The following FN1 variants were observed in gnomAD, a reference collection of about 807,000 sequenced individuals.
The protein encoded by FN1 is fibronectin 1.
A neutral mutation model predicts 297.3 loss-of-function variants in FN1; 106 were observed. The observed-to-expected ratio is 0.36, with a 90% CI of 0.30 to 0.42. The LOEUF (loss-of-function observed/expected upper bound fraction) is 0.42. Among genes scored for constraint, FN1 ranks in the 10% least tolerant of loss-of-function variants. The pLI, the probability that FN1 is intolerant of heterozygous loss-of-function variation, is 1.00. For synonymous variants in FN1, 1,149 were observed against 1,152.6 expected (o/e 1.00, Z 0.06); for missense variants, 2,690 against 3,124.9 (o/e 0.86, Z 3.32).
At chr2:215,401,022 C>T (rs1045323972) in intron 20 of FN1, among the ~76,000 whole-genome samples, 3 of 150,172 alleles carry the variant, frequency 2.0e-5, no homozygotes, top group African/African-American at 7.4e-5. Context: ...TCTCGAACTC[C>T]TGACCTTAGG....
In FN1 at chr2:215,422,260, A is replaced by G. The variant is rs370115252; in HGVS notation, c.1394-17T>C. On this transcript the variant is annotated splice_polypyrimidine_tract_variant and intron_variant, in intron 9 of 45. Coordinates refer to ENST00000354785, the MANE Select transcript of FN1 (RefSeq NM_212482.4). The stretch of plus-strand genomic sequence containing the variant: ...CCTCGTGGGCTGTTTGGAAATGGAT[A>G]AGAAATGCACTTGATAAATGATCAC... 4 of 1,612,754 alleles carry G rather than the reference A, an allele frequency of 2.5e-6. No individual in the cohort carries two copies. The highest frequency in any genetic ancestry group is 3.4e-6 in the Non-Finnish European group (4 of 1,178,868).
At chr2:215,377,040 TTG>T (rs56966736) in intron 35 of FN1, among the ~76,000 whole-genome samples, 141,116 of 150,878 alleles carry the variant, frequency 0.94, 66,081 homozygotes, top group East Asian at 0.99. Flanking sequence ...GCTAACAATT[TTG>T]TGTGTGTGTG....
intron 28 of FN1, among the ~76,000 whole-genome samples, 182 bp downstream of exon 28, chr2:215,386,507 C>CT (rs1348556597): frequency 6.6e-6 from 1 of 150,470 alleles, no homozygotes. Flanking sequence ...TTACCATATT[C>CT]TAAGGAAGAT....
In FN1 at chr2:215,385,683, G is replaced by A. The variant is rs564233772; in HGVS notation, c.4613-707C>T. Among the ~76,000 whole-genome samples, 104 of 151,556 alleles carry A rather than the reference G, an allele frequency of 6.9e-4. 1 individual carries two copies. Among genetic ancestry groups the A allele is most frequent in the Non-Finnish European group, 1.1e-3 (78 of 67,950 alleles). On this transcript the variant is annotated intron_variant, in intron 28 of 45. Coordinates refer to ENST00000354785, the MANE Select transcript of FN1 (RefSeq NM_212482.4). Reference sequence around the variant, plus strand: ...CAGATAACATGATGCTACTGTTCCCGTAAGTACTTCAGCCTCTATCTGCTA... The same window carrying A: ...CAGATAACATGATGCTACTGTTCCCATAAGTACTTCAGCCTCTATCTGCTA...
intron 12 of FN1, 111 bp downstream of exon 12, chr2:215,419,131 G>A: frequency 1.2e-6 from 1 of 837,176 alleles, no homozygotes; most frequent in Non-Finnish European, 2.0e-6. Context: ...CAAGAGAAAA[G>A]GGTGGGAAAG....
chr2:215,384,086 A>G lies in FN1; in HGVS notation c.4828T>C (p.Tyr1610His), dbSNP rs778077184. 3.1e-6 allele frequency: 5 copies of G among 1,614,158 alleles called. No individual in the cohort carries two copies. In the Admixed American group the frequency reaches 8.3e-5, roughly 27 times the overall value. The change falls in exon 30 of 46, where the codon TAT (tyrosine) becomes CAT (histidine). Residue 1610 changes from tyrosine to histidine, a missense_variant. Transcript: ENST00000354785. ...CTGTCTCCACGGCCAGTGACAGCATACACAGTGATGGTATAATCAACTCCA... is the reference window on the plus strand; with the variant it reads ...CTGTCTCCACGGCCAGTGACAGCATGCACAGTGATGGTATAATCAACTCCA... ...KPGVDYTITV[Y>H]AVTGRGDSPA...
intron 2 of FN1, 90 bp from the exon 3 acceptor site, chr2:215,433,551 T>C (rs563883953): frequency 1.5e-4 from 190 of 1,284,836 alleles, no homozygotes; most frequent in Non-Finnish European, 2.0e-4. Context: ...CCCACTTCTC[T>C]ATTCCACAAG....
At chr2:215,428,042 A>T (rs2065807809) in intron 6 of FN1, 138 bp downstream of exon 6, 1 of 1,064,338 alleles carries the variant, frequency 9.4e-7, no homozygotes, top group African/African-American at 1.6e-5. Context: ...AACAACCAAT[A>T]ATGTGTAAAT....
intron 20 of FN1, among the ~76,000 whole-genome samples, 178 bp from the exon 21 acceptor site, chr2:215,399,529 G>T (rs189988698): frequency 6.6e-6 from 1 of 152,216 alleles, no homozygotes; most frequent in East Asian, 1.9e-4. Context: ...AATCTTTAAT[G>T]TGCCACACAC....
rs775341126 is a variant in FN1 at position 215,364,916 on chromosome 2, C to T, written c.7214G>A (p.Gly2405Asp). The part of the protein sequence containing the change: ...VGEQWQKEYL[G>D]AICSCTCFGG... ...AAAGCATGTGCAGGAGCAAATGGCA[C>T]CGAGATATTCCTTCTGCCACTGTTC... The change falls in exon 44 of 46, where the codon GGT (glycine) becomes GAT (aspartate). Residue 2405 changes from glycine (G) to aspartate (D), a missense_variant. Gly to Asp is a moderately conservative substitution (Grantham distance 94). Around this residue, in one of 3 missense-constraint regions of FN1, gnomAD observed 1,743 missense variants for 1,945.2 expected, o/e 0.90. Transcript: ENST00000354785. 6.4e-7 allele frequency: 1 copy of T among 1,572,186 alleles called. No individual in the cohort carries two copies.
At chr2:215,415,848 T>A (rs2063363623) in intron 12 of FN1, among the ~76,000 whole-genome samples, 1 of 152,102 alleles carries the variant, frequency 6.6e-6, no homozygotes, top group African/African-American at 2.4e-5. Flanking sequence ...CTAGAAAATT[T>A]ATGCTTGCAG....
In FN1 at chr2:215,383,373, G is replaced by A; in HGVS notation, c.5005C>T (p.Pro1669Ser). ...TTTGTTGGTCCTGGTCCATTTTTGG[G>A]AGTGGTGGTTACTCTGTAACCAGTA... ...PVTGYRVTTT[P>S]KNGPGPTKTK... Residue 1669 changes from proline to serine, a missense_variant, in exon 31 of 46, where the codon CCC (proline) becomes TCC (serine). Physicochemically the swap from Pro to Ser is moderately conservative, Grantham distance 74 (BLOSUM62 -1). Around this residue, in one of 3 missense-constraint regions of FN1, gnomAD observed 1,743 missense variants for 1,945.2 expected, o/e 0.90. Transcript: ENST00000354785. The A allele has an allele frequency of 6.2e-7, 1 of 1,614,086 alleles. No individual in the cohort carries two copies. The highest frequency in any genetic ancestry group is 1.1e-5 in the South Asian group (1 of 91,078).
rs764712184 is a variant in FN1 at position 215,406,403 on chromosome 2, C to T, written c.2821G>A (p.Val941Met). ...ESAVTGYRVD[V>M]IPVNLPGEHG... ...TCGCCAGGCAGGTTGACGGGGATCA[C>T]ATCCACACGGTAGCCGGTCACTGCA... The change falls in exon 19 of 46, where the codon GTG (valine) becomes ATG (methionine). Residue 941 changes from valine to methionine, a missense_variant. Around this residue, in one of 3 missense-constraint regions of FN1, gnomAD observed 1,743 missense variants for 1,945.2 expected, o/e 0.90. Transcript: ENST00000354785. 1.1e-5 allele frequency: 17 copies of T among 1,614,110 alleles called. No homozygotes were observed. The East Asian group carries it at 2.0e-4, about 19-fold the overall frequency.
At chr2:215,409,898 C>T (rs1186475125) in intron 14 of FN1, 36 bp downstream of exon 14, 22 of 1,612,404 alleles carry the variant, frequency 1.4e-5, no homozygotes, top group Non-Finnish European at 1.6e-5. Context: ...CTAGGAACCT[C>T]GGGGGTAGGA....
intron 24 of FN1, chr2:215,393,425 G>T: frequency 1.7e-5 from 3 of 181,312 alleles, no homozygotes; most frequent in Non-Finnish European, 1.9e-5. Flanking sequence ...ATTCTTTTAG[G>T]GAATATATAT....
intron 42 of FN1, among the ~76,000 whole-genome samples, chr2:215,366,827 A>AC (rs1338373352): frequency 5.9e-5 from 9 of 152,296 alleles, no homozygotes; most frequent in South Asian, 4.1e-4. Context: ...ATACAAACTT[A>AC]AACGTAGTTC....
chr2:215,423,321 C>T (rs1216563488), intron 9 of FN1, 29 bp downstream of exon 9: 3 of 1,611,566 alleles, frequency 1.9e-6, no homozygotes, highest in Non-Finnish European at 2.5e-6. Flanking sequence ...TGTTGTCAAA[C>T]AAGACAACCC....
rs1048476890 is a variant in FN1, at chr2:215,420,975, A to G, written c.1547-174T>C. ...TTTTTTTCAAAGTTTGGTCAGTAAT[A>G]CAATTTTTGCCAAAAAAATTTTTTT... is the stretch of plus-strand genomic sequence containing the variant. On this transcript the variant is annotated intron_variant, in intron 10 of 45. Coordinates refer to ENST00000354785, the MANE Select transcript of FN1 (RefSeq NM_212482.4). The G allele has an allele frequency of 1.1e-5, 8 of 702,744 alleles. No homozygotes were observed. The African/African-American group carries it at 1.4e-4, about 13-fold the overall frequency. 43.5% of individuals were successfully genotyped at this position (702,744 alleles called of 1,614,324 possible).
intron 12 of FN1, among the ~76,000 whole-genome samples, chr2:215,418,101 C>T (rs967035745): frequency 6.6e-6 from 1 of 152,090 alleles, no homozygotes. Context: ...ATTCCTACAC[C>T]TAAATCCTCC....
Sources: gnomAD v4.1 joint callset for allele counts (sites outside exome capture counted in the v4.1 genomes callset) on GRCh38, gnomAD v4.1.1 for gene constraint, gnomAD v4.1.1 regional missense constraint, MANE v1.5 for transcripts, NCBI Gene and HGNC (gene_info 2026-07-23, HGNC 2026-07-21) for gene names.